The following LRTM3 variants were observed in gnomAD, a reference collection of about 807,000 sequenced individuals.
LRTM3 encodes the protein leucine rich repeat transmembrane protein 3.
chr13:102,743,870 G>C, the LRTM3 span: 1 of 1,550,488 alleles, frequency 6.4e-7, no homozygotes, highest in South Asian at 1.2e-5. Context: ...CTGGTTTTTA[G>C]AGTCAGATAA....
At chr13:102,732,605 C>A in the LRTM3 span, 5 of 1,551,004 alleles carry the variant, frequency 3.2e-6, no homozygotes, top group Middle Eastern at 1.7e-4. Context: ...GATTAGGCGG[C>A]TGTTCTCCCT....
the LRTM3 span, chr13:102,731,737 C>A: frequency 6.4e-7 from 1 of 1,551,274 alleles, no homozygotes; most frequent in Non-Finnish European, 8.7e-7. Flanking sequence ...TAACTTGAGG[C>A]GGTATGGGCA....
At chr13:102,735,569 A>G in the LRTM3 span, 1 of 1,550,868 alleles carries the variant, frequency 6.4e-7, no homozygotes, top group East Asian at 2.4e-5. Flanking sequence ...TTTGGTATTG[A>G]GTATATCTGA....
At chr13:102,745,540 G>A in the LRTM3 span, 169,845 of 1,550,884 alleles carry the variant, frequency 0.11, 10,091 homozygotes, top group South Asian at 0.14. Context: ...TATTGAGCAT[G>A]TATGAAATTG....
At chr13:102,738,828 C>T in the LRTM3 span, 3 of 1,550,166 alleles carry the variant, frequency 1.9e-6, no homozygotes. Flanking sequence ...ATCTTTCCTC[C>T]TTTTTCTTTG....
chr13:102,738,275 A>G, the LRTM3 span: 59 of 1,549,920 alleles, frequency 3.8e-5, no homozygotes, highest in African/African-American at 7.0e-4. Flanking sequence ...TTTGATTGTG[A>G]TATCACCCTT....
the LRTM3 span, chr13:102,738,003 C>T: frequency 6.4e-7 from 1 of 1,550,562 alleles, no homozygotes. Flanking sequence ...TTCCCTTGCT[C>T]TTTGTCTTCT....
At chr13:102,748,364 T>C in the LRTM3 span, 5 of 1,551,132 alleles carry the variant, frequency 3.2e-6, no homozygotes, top group Non-Finnish European at 3.5e-6. Flanking sequence ...ACTGCTTTTA[T>C]GCATTTTGCT....
chr13:102,740,571 T>A, the LRTM3 span: 1 of 1,549,154 alleles, frequency 6.5e-7, no homozygotes, highest in Non-Finnish European at 8.7e-7. Context: ...CTGTTTTGAG[T>A]ATATCCAACT....
At chr13:102,741,360 C>G in the LRTM3 span, 2 of 1,549,344 alleles carry the variant, frequency 1.3e-6, no homozygotes, top group Non-Finnish European at 1.7e-6. Context: ...AGAATACTTT[C>G]GGGAACATGA....
the LRTM3 span, among the ~76,000 whole-genome samples, chr13:102,751,335 C>G: frequency 7.3e-6 from 1 of 137,652 alleles, no homozygotes; most frequent in African/African-American, 2.7e-5. Flanking sequence ...CTTACTCTCT[C>G]TCTTTATACA....
the LRTM3 span, chr13:102,730,517 T>C: frequency 1.3e-6 from 2 of 1,551,712 alleles, no homozygotes; most frequent in African/African-American, 1.4e-5. Context: ...TTTGTTTTTT[T>C]CTGGAGTCAC....
chr13:102,737,774 G>T, the LRTM3 span: 3 of 1,550,752 alleles, frequency 1.9e-6, no homozygotes, highest in Non-Finnish European at 2.6e-6. Flanking sequence ...TGTCTCTGAT[G>T]ATTTCTGGTG....
chr13:102,740,820 T>C, the LRTM3 span: 2 of 1,549,726 alleles, frequency 1.3e-6, no homozygotes, highest in Non-Finnish European at 1.7e-6. Context: ...CCTAAACTAT[T>C]GATTGCCTTT....
the LRTM3 span, chr13:102,748,328 T>G: frequency 6.4e-7 from 1 of 1,551,074 alleles, no homozygotes; most frequent in South Asian, 1.2e-5. Flanking sequence ...TGTATTCACT[T>G]GAATTTTTAT....
At chr13:102,749,202 T>G in the LRTM3 span, 23 of 1,550,004 alleles carry the variant, frequency 1.5e-5, 2 homozygotes, top group South Asian at 2.6e-4. Flanking sequence ...GAAGTTGGTG[T>G]TTTTTTGGCT....
chr13:102,756,673 T>TAA, the LRTM3 span, among the ~76,000 whole-genome samples: 150 of 66,874 alleles, frequency 2.2e-3, no homozygotes, highest in East Asian at 4.1e-3. Context: ...AAACTCTGTC[T>TAA]AAAAAAAAAA....
the LRTM3 span, among the ~76,000 whole-genome samples, chr13:102,751,827 C>T: frequency 2.0e-5 from 3 of 152,076 alleles, no homozygotes; most frequent in Non-Finnish European, 2.9e-5. Context: ...AATGCTAAGT[C>T]CCACAAATGA....
At chr13:102,756,696 C>A in the LRTM3 span, among the ~76,000 whole-genome samples, 15,211 of 102,662 alleles carry the variant, frequency 0.15, 1,907 homozygotes, top group East Asian at 0.34. Context: ...AAAAAAAAAA[C>A]AAAAAAACAA....
Sources: gnomAD v4.1 joint callset for allele counts (sites outside exome capture counted in the v4.1 genomes callset) on GRCh38, gnomAD v4.1.1 for gene constraint, MANE v1.5 for transcripts, NCBI Gene and HGNC (gene_info 2026-07-23, HGNC 2026-07-21) for gene names.